Variants in SERPINE2 observed in about 807,000 individuals in gnomAD.
The protein encoded by SERPINE2 is serpin family E member 2, also known as glia-derived nexin.
SERPINE2 carries 14 observed loss-of-function variants against 36.3 expected under a neutral mutation model. The ratio of observed to expected loss-of-function variants is 0.39; its 90% CI spans 0.25 to 0.60. The LOEUF is 0.60. Among genes scored for constraint, SERPINE2 ranks in the 20% least tolerant of loss-of-function variants. The probability of loss-of-function intolerance (pLI) is 0.57; values close to 1 mark genes in which losing one functional copy is unlikely to be tolerated. For missense variants in SERPINE2, 418 were observed against 499.6 expected (o/e 0.84, Z 1.56); for synonymous variants, 192 against 191.8 (o/e 1.00, Z -0.01).
rs897991836 is a variant in SERPINE2 at position 224,010,307 on chromosome 2, T to G, written c.-22-8385A>C. On this transcript the variant is annotated intron_variant, in intron 1 of 8. Coordinates refer to ENST00000409304, the MANE Select transcript of SERPINE2 (RefSeq NM_001136528.2). ...GCTCATTCTATGACACTAATTAATT[T>G]GGCCAAAAAGGAACCTAAAAATGTT... is the stretch of plus-strand genomic sequence containing the variant. The G allele has an allele frequency of 4.1e-6, 4 of 980,834 alleles. No individual in the cohort carries two copies. In the African/African-American group the frequency reaches 7.0e-5, roughly 17 times the overall value. The allele number at this position is 980,834 out of a possible 1,614,324, so 60.8% of individuals were successfully genotyped here.
At chr2:224,034,381 G>A (rs1490834160) in intron 1 of SERPINE2, among the ~76,000 whole-genome samples, 1 of 152,176 alleles carries the variant, frequency 6.6e-6, no homozygotes, top group Non-Finnish European at 1.5e-5. Flanking sequence ...AGGTACAGAA[G>A]GAGCAAAGGC....
chr2:223,984,087 G>C (rs2106138945), intron 5 of SERPINE2, among the ~76,000 whole-genome samples: 2 of 151,996 alleles, frequency 1.3e-5, no homozygotes, highest in East Asian at 3.9e-4. Context: ...CCAAGACCTG[G>C]GTTGTTAAAA....
At chr2:224,026,257 TC>T (rs1692179230) in intron 1 of SERPINE2, among the ~76,000 whole-genome samples, 1 of 152,230 alleles carries the variant, frequency 6.6e-6, no homozygotes, top group Non-Finnish European at 1.5e-5. Context: ...AAAATAATCT[TC>T]CATCATGTTT....
At chr2:223,997,409 T>C (rs1001625792) in intron 3 of SERPINE2, among the ~76,000 whole-genome samples, 4 of 152,060 alleles carry the variant, frequency 2.6e-5, no homozygotes, top group Admixed American at 1.3e-4. Flanking sequence ...TTAGTAGAGA[T>C]GGGATAAACC....
rs190052106 is a variant in SERPINE2, at chr2:224,029,305, G to C, written c.-23+9794C>G. Among the ~76,000 whole-genome samples the C allele has an allele frequency of 4.9e-3, 740 of 152,288 alleles. 10 individuals are homozygous for C. The highest frequency in any genetic ancestry group is 8.3e-3 in the Non-Finnish European group (567 of 68,028). ...CTGGCATCCCCTAATCTCACTGTTA[G>C]AGCAACAACTCAGGTGTGGGCATAT... On this transcript the variant is annotated intron_variant, in intron 1 of 8. Coordinates refer to ENST00000409304, the MANE Select transcript of SERPINE2 (RefSeq NM_001136528.2).
chr2:224,019,204 T>G (rs1691904386), intron 1 of SERPINE2, among the ~76,000 whole-genome samples: 1 of 152,242 alleles, frequency 6.6e-6, no homozygotes, highest in Non-Finnish European at 1.5e-5. Context: ...AAGTTGAATT[T>G]ATAAATTAGG....
intron 1 of SERPINE2, among the ~76,000 whole-genome samples, chr2:224,024,493 G>A (rs747030143): frequency 5.3e-5 from 8 of 152,126 alleles, no homozygotes; most frequent in Non-Finnish European, 1.2e-4. Context: ...GCCAGGGGAC[G>A]TTTGCTATTT....
chr2:224,007,375 A>G (rs1290272483), intron 1 of SERPINE2, among the ~76,000 whole-genome samples: 1 of 152,230 alleles, frequency 6.6e-6, no homozygotes, highest in Non-Finnish European at 1.5e-5. Flanking sequence ...TAAAAACATT[A>G]TATCATGGGA....
intron 1 of SERPINE2, chr2:224,038,378 GA>G: frequency 1.2e-6 from 1 of 837,454 alleles, no homozygotes; most frequent in Non-Finnish European, 2.0e-6. Context: ...CATAATACCT[GA>G]AGGTGGAGTG....
intron 2 of SERPINE2, among the ~76,000 whole-genome samples, chr2:224,001,135 A>C (rs992539530): frequency 6.6e-6 from 1 of 150,874 alleles, no homozygotes; most frequent in African/African-American, 2.4e-5. Context: ...TTTTCCATAC[A>C]CTCCTGTTGT....
At chr2:224,033,984 G>A (rs760237908) in intron 1 of SERPINE2, among the ~76,000 whole-genome samples, 2 of 152,212 alleles carry the variant, frequency 1.3e-5, no homozygotes, top group African/African-American at 4.8e-5. Context: ...AGGGCTGGAG[G>A]TCTGGCAGAG....
intron 1 of SERPINE2, among the ~76,000 whole-genome samples, chr2:224,005,840 T>C (rs1267410008): frequency 1.3e-5 from 2 of 152,118 alleles, no homozygotes; most frequent in East Asian, 3.9e-4. Flanking sequence ...ACAGTAAAAA[T>C]AGGTCTCTAG....
chr2:224,030,263 G>T (rs1053018322), intron 1 of SERPINE2: 54 of 980,314 alleles, frequency 5.5e-5, no homozygotes, highest in Non-Finnish European at 6.2e-5. Context: ...CACTGAGAGT[G>T]CAGCAGGAAA....
intron 1 of SERPINE2, chr2:224,031,554 T>C (rs1008872498): frequency 4.2e-6 from 4 of 958,184 alleles, no homozygotes; most frequent in Non-Finnish European, 3.7e-6. Context: ...CGGAAGGGCA[T>C]GTGACCACGT....
intron 1 of SERPINE2, among the ~76,000 whole-genome samples, chr2:224,003,627 T>C (rs1691279075): frequency 1.3e-5 from 2 of 152,220 alleles, no homozygotes; most frequent in African/African-American, 4.8e-5. Flanking sequence ...CTCACAGAGC[T>C]TTCTCTGGCT....
chr2:223,998,219 G>C lies in SERPINE2; in HGVS notation c.383C>G (p.Thr128Arg). 1.2e-6 allele frequency: 2 copies of C among 1,614,064 alleles called. No homozygotes were observed. The highest frequency in any genetic ancestry group is 1.7e-6 in the Non-Finnish European group (2 of 1,179,930). Residue 128 changes from threonine to arginine, a missense_variant, in exon 3 of 9, where the codon ACA becomes AGA. Physicochemically the swap from Thr to Arg is moderately conservative, Grantham distance 71. Transcript: ENST00000409304. ...NASEIEVPFV[T>R]RNKDVFQCEV... ...ACACTGGAACACATCTTTGTTCCTT[G>C]TAACAAAAGGCACTTCAATTTCAGA... is the stretch of plus-strand genomic sequence containing the variant.
chr2:223,984,282 C>G (rs1378484959), intron 5 of SERPINE2, among the ~76,000 whole-genome samples: 1 of 152,196 alleles, frequency 6.6e-6, no homozygotes, highest in Admixed American at 6.6e-5. Flanking sequence ...CTTTGTCTTA[C>G]TCTTAGGGTA....
intron 1 of SERPINE2, among the ~76,000 whole-genome samples, chr2:224,012,770 T>C (rs1691674679): frequency 6.6e-6 from 1 of 152,160 alleles, no homozygotes; most frequent in African/African-American, 2.4e-5. Flanking sequence ...ATAACAAGCA[T>C]CCCTTTTCCT....
chr2:224,037,404 G>GT (rs1692569159), intron 1 of SERPINE2, among the ~76,000 whole-genome samples: 1 of 152,198 alleles, frequency 6.6e-6, no homozygotes, highest in African/African-American at 2.4e-5. Context: ...GGCACTAAGA[G>GT]TTTTCAGAAG....
Sources: gnomAD v4.1 joint callset for allele counts (sites outside exome capture counted in the v4.1 genomes callset) on GRCh38, gnomAD v4.1.1 for gene constraint, MANE v1.5 for transcripts, NCBI Gene and HGNC (gene_info 2026-07-23, HGNC 2026-07-21) for gene names.